Variants in ADCYAP1R1 observed in about 807,000 individuals in gnomAD.
ADCYAP1R1 encodes the protein ADCYAP receptor type I, also known as pituitary adenylate cyclase-activating polypeptide type I receptor.
ADCYAP1R1 carries 44 observed loss-of-function variants against 67.6 expected under a neutral mutation model. The observed-to-expected ratio is 0.65, with a 90% CI of 0.51 to 0.84. The LOEUF is 0.84. Ranked by LOEUF, ADCYAP1R1 falls within the 40% of genes least tolerant of loss-of-function variation. The probability of loss-of-function intolerance (pLI) is 0.00; values close to 1 mark genes in which losing one functional copy is unlikely to be tolerated. For missense variants in ADCYAP1R1, 477 were observed against 587.9 expected (o/e 0.81, Z 1.95); for synonymous variants, 222 against 219.6 (o/e 1.01, Z -0.10).
chr7:31,066,416 G>C (rs1161624743), intron 3 of ADCYAP1R1, among the ~76,000 whole-genome samples: 2 of 152,142 alleles, frequency 1.3e-5, no homozygotes, highest in Non-Finnish European at 2.9e-5. Context: ...GGGCTGACAG[G>C]GCAAGACAGG....
In ADCYAP1R1 at chr7:31,102,332, T is replaced by TG. The variant is rs146251136; in HGVS notation, c.1047-900dup. Among the ~76,000 whole-genome samples, 120 of 152,274 alleles carry TG rather than the reference T, an allele frequency of 7.9e-4. 1 individual carries two copies. The highest frequency in any genetic ancestry group is 2.7e-3 in the African/African-American group (111 of 41,582). ...ATCTGCAGGGCAGAGCTGGACTCTC[T>TG]GGGGGAGACCCACAGGGAGCCAGTG... On this transcript the variant is annotated intron_variant, in intron 13 of 15. Transcript: ENST00000304166. The surrounding 1 kb of genome is among the most constrained non-coding windows in gnomAD (Gnocchi z 4.3).
chr7:31,109,655 G>A lies in ADCYAP1R1; in HGVS notation c.*2971G>A, dbSNP rs1053170806. The A allele has an allele frequency of 6.6e-6, 1 of 152,106 alleles. No homozygotes were observed. Among genetic ancestry groups the A allele is most frequent in the African/African-American group, 2.4e-5 (1 of 41,362 alleles). The allele number at this position is 152,106 out of a possible 1,614,324, so 9.4% of individuals were successfully genotyped here. On this transcript the variant is annotated 3_prime_UTR_variant, in exon 16 of 16. Transcript: ENST00000304166. ...ACCCATGGGAGGCCGAATTCTCCTT[G>A]GGATGAAGAAATTTCTCTTTCCCTG...
intron 12 of ADCYAP1R1, among the ~76,000 whole-genome samples, chr7:31,088,616 C>CT (rs1240100138): frequency 1.4e-4 from 22 of 152,234 alleles, no homozygotes; most frequent in Admixed American, 1.4e-3. Context: ...CCTCTCAATC[C>CT]TTTTTATTGA....
At chr7:31,074,434 A>C (rs1225387947) in intron 3 of ADCYAP1R1, among the ~76,000 whole-genome samples, 1 of 152,094 alleles carries the variant, frequency 6.6e-6, no homozygotes, top group East Asian at 1.9e-4. Context: ...TGCTGCCAAC[A>C]TGAGAGCCCC....
At chr7:31,075,247 C>T (rs1021727432) in intron 3 of ADCYAP1R1, among the ~76,000 whole-genome samples, 10 of 152,264 alleles carry the variant, frequency 6.6e-5, no homozygotes, top group African/African-American at 9.6e-5. Context: ...ATGATTCTGT[C>T]GGCAGTGAAC....
At chr7:31,053,732 C>G (rs960271740) in intron 1 of ADCYAP1R1, among the ~76,000 whole-genome samples, 11 of 152,222 alleles carry the variant, frequency 7.2e-5, no homozygotes, top group Admixed American at 1.3e-4. Context: ...CGCAAAGCCC[C>G]CCTGGCCCTC....
At chr7:31,101,887 C>T (rs1348785530) in intron 13 of ADCYAP1R1, among the ~76,000 whole-genome samples, 1 of 152,202 alleles carries the variant, frequency 6.6e-6, no homozygotes, top group African/African-American at 2.4e-5. Context: ...ATCCTGGTGG[C>T]CCTTGTCTGT....
chr7:31,077,483 G>C (rs1228074978), intron 3 of ADCYAP1R1, among the ~76,000 whole-genome samples: 1 of 32,094 alleles, frequency 3.1e-5, no homozygotes, highest in Non-Finnish European at 5.4e-5. Context: ...TGTGTGTAGT[G>C]TGTGTGTGTG....
intron 13 of ADCYAP1R1, among the ~76,000 whole-genome samples, chr7:31,098,718 G>T (rs1275291064): frequency 3.4e-4 from 20 of 59,428 alleles, no homozygotes; most frequent in South Asian, 1.8e-3. Flanking sequence ...GGGGGGGGGG[G>T]ACCTGGGCTT....
chr7:31,092,862 C>T (rs1796023669), intron 13 of ADCYAP1R1, 127 bp downstream of exon 13: 1 of 670,974 alleles, frequency 1.5e-6, no homozygotes, highest in African/African-American at 1.8e-5. Context: ...TGCAGATCTT[C>T]TTCTGATTAA....
chr7:31,057,891 C>T (rs1794320193), intron 1 of ADCYAP1R1, among the ~76,000 whole-genome samples: 1 of 152,192 alleles, frequency 6.6e-6, no homozygotes, highest in African/African-American at 2.4e-5. Flanking sequence ...GGTATCCAGG[C>T]TTGTCCTGCC....
Position 31,104,916 on chromosome 7 carries a change from C to T in ADCYAP1R1, c.1218+7C>T, listed in dbSNP as rs1358487935. The T allele has an allele frequency of 6.2e-7, 1 of 1,614,132 alleles. No homozygotes were observed. The highest frequency in any genetic ancestry group is 8.5e-7 in the Non-Finnish European group (1 of 1,179,984). ...CTGTTTTCTGAATGGTGAGGTAAGA[C>T]CTTGGCCCTCTGGCTTCTTGGCAGT... On this transcript the variant is annotated splice_region_variant and intron_variant, in intron 15 of 15. Coordinates refer to ENST00000304166, the MANE Select transcript of ADCYAP1R1 (RefSeq NM_001118.5).
At chr7:31,070,982 G>C (rs1226992270) in intron 3 of ADCYAP1R1, among the ~76,000 whole-genome samples, 3 of 152,204 alleles carry the variant, frequency 2.0e-5, no homozygotes, top group Admixed American at 1.3e-4. Context: ...TCATGGAACA[G>C]AAACATTGGC....
At chr7:31,081,502 C>G (rs1795509835) in intron 5 of ADCYAP1R1, among the ~76,000 whole-genome samples, 1 of 152,162 alleles carries the variant, frequency 6.6e-6, no homozygotes, top group African/African-American at 2.4e-5. Context: ...TCCTGAACGT[C>G]ACAGAAATGC....
chr7:31,079,043 A>C (rs1408344899), intron 4 of ADCYAP1R1, among the ~76,000 whole-genome samples: 3 of 152,168 alleles, frequency 2.0e-5, no homozygotes, highest in African/African-American at 4.8e-5. Flanking sequence ...AGCTTTGTGC[A>C]CAGGTGGGAT....
rs1322236298 is a variant in ADCYAP1R1, at chr7:31,110,450, T to C, written c.*3766T>C. On this transcript the variant is annotated 3_prime_UTR_variant, in exon 16 of 16. Coordinates refer to ENST00000304166, the MANE Select transcript of ADCYAP1R1 (RefSeq NM_001118.5). ...GAGATCTATAGGTCAAACCTCCCCA[T>C]TGGGCTGATGAGAAAATACACGCAG... 1 of 152,100 alleles carries C rather than the reference T, an allele frequency of 6.6e-6. No individual in the cohort carries two copies. Among genetic ancestry groups the C allele is most frequent in the African/African-American group, 2.4e-5 (1 of 41,426 alleles). The allele number at this position is 152,100 out of a possible 1,614,324, so 9.4% of individuals were successfully genotyped here.
At chr7:31,100,324 A>G (rs1584543359) in intron 13 of ADCYAP1R1, 1 of 743,448 alleles carries the variant, frequency 1.3e-6, no homozygotes, top group African/African-American at 2.2e-5. Flanking sequence ...CCCAGCCCCA[A>G]CCCATTCCCG....
intron 4 of ADCYAP1R1, among the ~76,000 whole-genome samples, chr7:31,079,463 C>A (rs895032300): frequency 6.6e-6 from 1 of 152,234 alleles, no homozygotes; most frequent in Non-Finnish European, 1.5e-5. Flanking sequence ...TCTTTTCCAG[C>A]CTAAGGCTTA....
chr7:31,100,188 T>G (rs1305048125), intron 13 of ADCYAP1R1: 1 of 1,550,568 alleles, frequency 6.4e-7, no homozygotes, highest in Admixed American at 2.0e-5. Context: ...TTGCAAGATG[T>G]CAGAACTGTC....
Sources: gnomAD v4.1 joint callset for allele counts (sites outside exome capture counted in the v4.1 genomes callset) on GRCh38, gnomAD v4.1.1 for gene constraint, Gnocchi (gnomAD v3.1) non-coding constraint, MANE v1.5 for transcripts, NCBI Gene and HGNC (gene_info 2026-07-23, HGNC 2026-07-21) for gene names.